The following PAIP1 variants were observed in gnomAD, a reference collection of about 807,000 sequenced individuals.
PAIP1 encodes the protein poly(A) binding protein interacting protein 1, also known as polyadenylate-binding protein-interacting protein 1.
A neutral mutation model predicts 61.3 loss-of-function variants in PAIP1; 16 were observed. That is an observed-to-expected ratio of 0.26 (90% CI 0.18 to 0.40). The LOEUF is 0.40. Ranked by LOEUF, PAIP1 falls within the 10% of genes least tolerant of loss-of-function variation. PAIP1 has a pLI of 1.00. For synonymous variants in PAIP1, 187 were observed against 226.2 expected, an observed-to-expected ratio of 0.83 and a Z score of 1.56; for missense variants, 416 against 600.9, an observed-to-expected ratio of 0.69 and a Z score of 3.22.
Position 43,535,541 on chromosome 5 carries a change from A to C in PAIP1, c.1072T>G (p.Cys358Gly), listed in dbSNP as rs758327466. The change falls in exon 7 of 11, where the codon TGC becomes GGC. Residue 358 changes from cysteine to glycine, a missense_variant. Transcript: ENST00000306846. Reference protein sequence around the residue: ...RIENVVLDANCSRDVKQMLLK... With the variant: ...RIENVVLDANGSRDVKQMLLK... ...CATTACTTCTTTTCCTACCTACTGC[A>C]GTTTGCATCTAGGACAACGTTTTCA... 3 of 1,517,948 alleles carry C rather than the reference A, an allele frequency of 2.0e-6. No individual in the cohort carries two copies. Among genetic ancestry groups the C allele is most frequent in the Non-Finnish European group, 2.7e-6 (3 of 1,094,352 alleles). 94.0% of individuals were successfully genotyped at this position (1,517,948 alleles called of 1,614,324 possible).
chr5:43,539,551 G>A (rs112605576), intron 4 of PAIP1, among the ~76,000 whole-genome samples: 4 of 148,662 alleles, frequency 2.7e-5, no homozygotes, highest in African/African-American at 7.6e-5. Flanking sequence ...TCCATTATAC[G>A]TATCAGAGAA....
In PAIP1 at chr5:43,535,589, T is replaced by A. The variant is rs775615322; in HGVS notation, c.1024A>T (p.Met342Leu). ...DAWKEKGKMD[M>L]EEIIQRIENV... is the part of the protein sequence containing the mutation. Reference sequence around the variant, plus strand: ...TCAATTCTCTGAATAATTTCTTCCATATCCATCTTTCCTTTTTCCTTCCAA... The same window carrying A: ...TCAATTCTCTGAATAATTTCTTCCAAATCCATCTTTCCTTTTTCCTTCCAA... The change falls in exon 7 of 11, where the codon ATG (methionine) becomes TTG (leucine). Residue 342 changes from methionine (M) to leucine (L), a missense_variant. Met to Leu is a conservative substitution (Grantham distance 15). Around this residue, in one of 4 missense-constraint regions of PAIP1, gnomAD observed 135 missense variants for 283.9 expected, o/e 0.48. Coordinates refer to ENST00000306846, the MANE Select transcript of PAIP1 (RefSeq NM_006451.5). 1 of 1,606,466 alleles carries A rather than the reference T, an allele frequency of 6.2e-7. No homozygotes were observed. Among genetic ancestry groups the A allele is most frequent in the South Asian group, 1.1e-5 (1 of 90,868 alleles).
At chr5:43,543,471 C>T (rs1195655512) in intron 3 of PAIP1, among the ~76,000 whole-genome samples, 1 of 152,082 alleles carries the variant, frequency 6.6e-6, no homozygotes, top group Admixed American at 6.5e-5. Flanking sequence ...AACTGTTGAC[C>T]AGTGGGGCTT....
At position 43,550,615 on chromosome 5, in the gene PAIP1, T is replaced by C. The variant is rs1212142012; in HGVS notation, c.436-2702A>G. On this transcript the variant is annotated intron_variant, in intron 2 of 10. Transcript: ENST00000306846. ...GAACATTTTGAGGTAAGCATCACTA[T>C]CCTCCCTGCATAGAAGAAACAGGCA... 2.6e-5 allele frequency among the ~76,000 whole-genome samples: 4 copies of C among 151,752 alleles called. No individual in the cohort carries two copies. In the South Asian group the frequency reaches 6.3e-4, roughly 24 times the overall value.
At chr5:43,537,051 A>G in intron 5 of PAIP1, 107 bp from the exon 6 acceptor site, 1 of 708,158 alleles carries the variant, frequency 1.4e-6, no homozygotes, top group Non-Finnish European at 2.3e-6. Context: ...GCTAAATCAC[A>G]AAAGTCACAG....
chr5:43,535,940 C>T (rs1747131814), intron 6 of PAIP1, among the ~76,000 whole-genome samples: 1 of 150,136 alleles, frequency 6.7e-6, no homozygotes, highest in South Asian at 2.1e-4. Context: ...GAACATGTCA[C>T]TTTTTTTGAA....
intron 10 of PAIP1, among the ~76,000 whole-genome samples, chr5:43,529,128 AG>A (rs1239433789): frequency 2.7e-5 from 2 of 74,102 alleles, no homozygotes; most frequent in African/African-American, 1.1e-4. Context: ...GTAGTTCTCA[AG>A]AAAAAAAAAA....
chr5:43,530,831 G>A (rs1561227746), intron 9 of PAIP1, among the ~76,000 whole-genome samples: 1 of 152,134 alleles, frequency 6.6e-6, no homozygotes, highest in Non-Finnish European at 1.5e-5. Context: ...GCAGCTGGGA[G>A]GCTGACAGAT....
At chr5:43,536,608 G>A (rs1234673625) in intron 6 of PAIP1, among the ~76,000 whole-genome samples, 2 of 152,052 alleles carry the variant, frequency 1.3e-5, no homozygotes, top group East Asian at 1.9e-4. Context: ...TGGAAATGGC[G>A]TAAAGGACTT....
chr5:43,540,043 T>C (rs943412034), intron 4 of PAIP1, among the ~76,000 whole-genome samples: 1 of 152,188 alleles, frequency 6.6e-6, no homozygotes. Flanking sequence ...TTGTAAACAA[T>C]TTTTAACAAA....
chr5:43,540,000 G>C (rs896366704), intron 4 of PAIP1, among the ~76,000 whole-genome samples: 15 of 152,182 alleles, frequency 9.9e-5, no homozygotes, highest in African/African-American at 3.4e-4. Flanking sequence ...TATGGGTACT[G>C]AATGGTTTCC....
chr5:43,540,706 A>C (rs1010205866), intron 4 of PAIP1, among the ~76,000 whole-genome samples: 11 of 152,202 alleles, frequency 7.2e-5, no homozygotes, highest in Non-Finnish European at 1.3e-4. Context: ...GCTCACTAGT[A>C]TTTCTCTACA....
In PAIP1 at chr5:43,556,883, G is replaced by A. The variant is rs1748119532; in HGVS notation, c.-37C>T. The A allele has an allele frequency of 4.4e-6, 6 of 1,365,134 alleles. No individual in the cohort carries two copies. In the East Asian group the frequency reaches 9.3e-5, roughly 21 times the overall value. The allele number at this position is 1,365,134 out of a possible 1,614,324, so 84.6% of individuals were successfully genotyped here. On this transcript the variant is annotated 5_prime_UTR_variant, in exon 1 of 11. Coordinates refer to ENST00000306846, the MANE Select transcript of PAIP1 (RefSeq NM_006451.5). Reference sequence around the variant, plus strand: ...TCCGCCTCCTCCTCCAGGGGCCGCTGCCGCTGCGCTCGCGATAGGACGCGG... The same window carrying A: ...TCCGCCTCCTCCTCCAGGGGCCGCTACCGCTGCGCTCGCGATAGGACGCGG...
intron 10 of PAIP1, among the ~76,000 whole-genome samples, chr5:43,529,365 T>C (rs1177083940): frequency 6.6e-6 from 1 of 152,196 alleles, no homozygotes; most frequent in Non-Finnish European, 1.5e-5. Flanking sequence ...CTGAAAATTT[T>C]TAGTACATAA....
intron 5 of PAIP1, among the ~76,000 whole-genome samples, chr5:43,538,686 A>C (rs2112393062): frequency 6.6e-6 from 1 of 152,344 alleles, no homozygotes; most frequent in Middle Eastern, 3.4e-3. Flanking sequence ...CAGCTTCCTA[A>C]AAGTACGCAG....
intron 2 of PAIP1, among the ~76,000 whole-genome samples, chr5:43,553,039 G>A (rs1747924874): frequency 6.9e-6 from 1 of 145,082 alleles, no homozygotes; most frequent in Non-Finnish European, 1.5e-5. Context: ...AACTTGAAGA[G>A]GGATTCTCTT....
In PAIP1 at chr5:43,537,996, C is replaced by CAAA. The variant is rs5867636; in HGVS notation, c.846+925_846+927dup. 3.7e-4 allele frequency among the ~76,000 whole-genome samples: 34 copies of CAAA among 92,658 alleles called. 1 individual carries two copies. The highest frequency in any genetic ancestry group is 1.3e-3 in the African/African-American group (33 of 24,942). 60.8% of individuals were successfully genotyped at this position (92,658 alleles called of 152,430 possible). ...GTGACAGAGCGAGACTGTCCCCACC[C>CAAA]AAAAAAAAAAAAAAAAAAAAAAAAT... On this transcript the variant is annotated intron_variant, in intron 5 of 10. Coordinates refer to ENST00000306846, the MANE Select transcript of PAIP1 (RefSeq NM_006451.5).
At chr5:43,537,643 A>G (rs1747206002) in intron 5 of PAIP1, among the ~76,000 whole-genome samples, 1 of 152,132 alleles carries the variant, frequency 6.6e-6, no homozygotes, top group South Asian at 2.1e-4. Flanking sequence ...TACGATCTTA[A>G]GTTCTCAAAT....
chr5:43,526,704 AGT>A lies in PAIP1; in HGVS notation c.*670_*671del, dbSNP rs1746723084. ...AATGTTCTAGCCTTTAAGGTAATGA[AGT>A]TAGTCAGTTGAAAAAATAAAAATAA... On this transcript the variant is annotated 3_prime_UTR_variant, in exon 11 of 11. Coordinates refer to ENST00000306846, the MANE Select transcript of PAIP1 (RefSeq NM_006451.5). 6.8e-6 allele frequency: 1 copy of A among 146,238 alleles called. No homozygotes were observed. The highest frequency in any genetic ancestry group is 1.5e-5 in the Non-Finnish European group (1 of 66,280). The allele number at this position is 146,238 out of a possible 1,614,324, so 9.1% of individuals were successfully genotyped here. A position where few individuals can be genotyped will look rare whatever the true frequency, so the allele number is the denominator to read the frequency against.
Sources: gnomAD v4.1 joint callset for allele counts (sites outside exome capture counted in the v4.1 genomes callset) on GRCh38, gnomAD v4.1.1 for gene constraint, gnomAD v4.1.1 regional missense constraint, MANE v1.5 for transcripts, NCBI Gene and HGNC (gene_info 2026-07-23, HGNC 2026-07-21) for gene names.